Variants in IKZF2 observed in about 807,000 individuals in gnomAD.
IKZF2 encodes the protein zinc finger protein Helios.
A neutral mutation model predicts 49.2 loss-of-function variants in IKZF2; 15 were observed. That is an observed-to-expected ratio of 0.30 (90% CI 0.20 to 0.47). The LOEUF is 0.47. IKZF2 is among the 20% of genes least tolerant of loss of function. IKZF2 has a pLI of 1.00. For missense variants in IKZF2, 567 were observed against 664.6 expected (o/e 0.85, Z 1.61); for synonymous variants, 227 against 221.4 (o/e 1.03, Z -0.23).
At chr2:213,104,808 G>A (rs1035153225) in intron 4 of IKZF2, among the ~76,000 whole-genome samples, 4 of 152,252 alleles carry the variant, frequency 2.6e-5, no homozygotes, top group Middle Eastern at 6.8e-3. Flanking sequence ...CGCCTTAAAA[G>A]ATCCACATAG....
At chr2:213,036,943 CCA>C (rs150821020) in intron 6 of IKZF2, among the ~76,000 whole-genome samples, 23 of 150,420 alleles carry the variant, frequency 1.5e-4, no homozygotes, top group African/African-American at 4.1e-4. Context: ...ACAAAACACA[CCA>C]CACACACACA....
rs1354648490 is a variant in IKZF2 at position 213,006,354 on chromosome 2, C to G, written c.*1006G>C. ...GGATTTCTAAGTGGGTTTTCTCCCCCTACTGTTAGCATAATTATATTTTTC... is the reference window on the plus strand; with the variant it reads ...GGATTTCTAAGTGGGTTTTCTCCCCGTACTGTTAGCATAATTATATTTTTC... On this transcript the variant is annotated 3_prime_UTR_variant, in exon 9 of 9. Transcript: ENST00000434687. 3 of 152,422 alleles carry G rather than the reference C, an allele frequency of 2.0e-5. No individual in the cohort carries two copies. The highest frequency in any genetic ancestry group is 4.4e-5 in the Non-Finnish European group (3 of 67,982). The allele number at this position is 152,422 out of a possible 1,614,324, so 9.4% of individuals were successfully genotyped here.
At chr2:213,141,956 C>T (rs889528389) in intron 4 of IKZF2, among the ~76,000 whole-genome samples, 3 of 151,908 alleles carry the variant, frequency 2.0e-5, no homozygotes, top group South Asian at 2.1e-4. Flanking sequence ...CTACTACCCC[C>T]GAAGTGCACA....
At chr2:213,049,583 A>C in intron 6 of IKZF2, 130 bp downstream of exon 6, 1 of 578,622 alleles carries the variant, frequency 1.7e-6, no homozygotes, top group Non-Finnish European at 2.7e-6. Context: ...TCAATTATTT[A>C]ATGTACACCA....
rs1695526693 is a variant in IKZF2 at position 213,007,990 on chromosome 2, C to T, written c.951G>A (p.Met317Ile). ...KEAELMQSHM[M>I]DQAINNAITY... Reference sequence around the variant, plus strand: ...TGATTGCATTGTTGATGGCTTGGTCCATCATATGAGACTGCATCAGCTCAG... The same window carrying T: ...TGATTGCATTGTTGATGGCTTGGTCTATCATATGAGACTGCATCAGCTCAG... The change falls in exon 9 of 9, where the codon ATG (methionine) becomes ATA (isoleucine). Residue 317 changes from methionine to isoleucine, a missense_variant. Transcript: ENST00000434687. 1 of 1,613,280 alleles carries T rather than the reference C, an allele frequency of 6.2e-7. No homozygotes were observed. The highest frequency in any genetic ancestry group is 1.3e-5 in the African/African-American group (1 of 74,796).
chr2:213,094,404 A>G (rs1393052231), intron 4 of IKZF2, among the ~76,000 whole-genome samples: 2 of 152,158 alleles, frequency 1.3e-5, no homozygotes, highest in African/African-American at 4.8e-5. Context: ...AAGCAATAGC[A>G]AGAGAGAGCT....
Position 213,013,864 on chromosome 2 carries a change from C to G in IKZF2, c.783G>C (p.Glu261Asp), listed in dbSNP as rs1696261685. 1 of 1,612,106 alleles carries G rather than the reference C, an allele frequency of 6.2e-7. No homozygotes were observed. The highest frequency in any genetic ancestry group is 1.3e-5 in the African/African-American group (1 of 74,930). ...MDNNISLVPF[E>D]RPAVIEKLTG... ...TGAGCTTCTCTATGACAGCAGGTCT[C>G]TCAAAAGGCACCAGAGAAATATTGT... The change falls in exon 8 of 9, where the codon GAG (glutamate) becomes GAC (aspartate). Residue 261 changes from glutamate to aspartate, a missense_variant. This residue lies in a region of IKZF2 where 310 missense variants were observed against 326.9 expected (regional missense o/e 0.95). Coordinates refer to ENST00000434687, the MANE Select transcript of IKZF2 (RefSeq NM_001387220.1).
At chr2:213,049,322 C>A (rs955612640) in intron 6 of IKZF2, among the ~76,000 whole-genome samples, 14 of 151,428 alleles carry the variant, frequency 9.2e-5, no homozygotes, top group South Asian at 4.2e-4. Context: ...CTGTATCAGT[C>A]AAAAAAAATC....
intron 6 of IKZF2, among the ~76,000 whole-genome samples, chr2:213,027,030 A>C (rs535000040): frequency 6.6e-6 from 1 of 152,214 alleles, no homozygotes; most frequent in Non-Finnish European, 1.5e-5. Context: ...TCTCTTCCCC[A>C]TGCTGCCCTA....
At chr2:213,116,312 A>G (rs1213798393) in intron 4 of IKZF2, among the ~76,000 whole-genome samples, 1 of 152,254 alleles carries the variant, frequency 6.6e-6, no homozygotes, top group African/African-American at 2.4e-5. Context: ...TTTCTATTAT[A>G]CAATCCCATC....
intron 6 of IKZF2, among the ~76,000 whole-genome samples, chr2:213,046,984 C>T (rs1040376885): frequency 1.3e-5 from 2 of 152,068 alleles, no homozygotes; most frequent in Non-Finnish European, 1.5e-5. Context: ...TCACAATTTT[C>T]CAGTGCTGAG....
At chr2:213,142,249 T>C (rs567465035) in intron 4 of IKZF2, among the ~76,000 whole-genome samples, 105 of 151,996 alleles carry the variant, frequency 6.9e-4, no homozygotes, top group African/African-American at 1.8e-3. Flanking sequence ...TTCTGACATA[T>C]AGACAAACTC....
chr2:213,112,420 TG>T (rs1243638467), intron 4 of IKZF2, among the ~76,000 whole-genome samples: 1 of 149,844 alleles, frequency 6.7e-6, no homozygotes, highest in Non-Finnish European at 1.5e-5. Flanking sequence ...TTTATGAAAA[TG>T]GCTTAATGAA....
At chr2:213,112,670 C>T in intron 4 of IKZF2, among the ~76,000 whole-genome samples, 1 of 152,016 alleles carries the variant, frequency 6.6e-6, no homozygotes, top group East Asian at 1.9e-4. Context: ...ATCATTTTTA[C>T]TAAAGTGTTG....
chr2:213,017,474 A>G (rs1228054200), intron 7 of IKZF2, among the ~76,000 whole-genome samples: 2 of 152,164 alleles, frequency 1.3e-5, no homozygotes, highest in African/African-American at 4.8e-5. Context: ...ACTACTAATT[A>G]CCATATCACT....
chr2:213,102,873 T>C (rs1341795455), intron 4 of IKZF2, among the ~76,000 whole-genome samples: 1 of 152,054 alleles, frequency 6.6e-6, no homozygotes, highest in Non-Finnish European at 1.5e-5. Context: ...GGAAAGCACA[T>C]GTGAGAAATG....
intron 4 of IKZF2, among the ~76,000 whole-genome samples, chr2:213,136,245 C>A (rs1286187275): frequency 1.3e-5 from 2 of 148,486 alleles, no homozygotes; most frequent in Non-Finnish European, 3.0e-5. Flanking sequence ...GTGATGGGCG[C>A]CTGTAATCCC....
chr2:213,144,354 T>C (rs2060972784), intron 4 of IKZF2, among the ~76,000 whole-genome samples: 1 of 151,816 alleles, frequency 6.6e-6, no homozygotes, highest in Non-Finnish European at 1.5e-5. Flanking sequence ...AATTTATACA[T>C]AAACATTATA....
chr2:213,149,787 C>CCCA (rs1553605764), intron 2 of IKZF2, among the ~76,000 whole-genome samples: 52 of 123,878 alleles, frequency 4.2e-4, no homozygotes, highest in African/African-American at 1.4e-3. Flanking sequence ...ACCCCCCCCC[C>CCCA]AAAAAAAAAC....
Sources: gnomAD v4.1 joint callset for allele counts (sites outside exome capture counted in the v4.1 genomes callset) on GRCh38, gnomAD v4.1.1 for gene constraint, gnomAD v4.1.1 regional missense constraint, MANE v1.5 for transcripts, NCBI Gene and HGNC (gene_info 2026-07-23, HGNC 2026-07-21) for gene names.